Variants in TCP11L2 observed in about 807,000 individuals in gnomAD.
TCP11L2 encodes t-complex 11 like 2.
A neutral mutation model predicts 50.7 loss-of-function variants in TCP11L2; 39 were observed. The ratio of observed to expected loss-of-function variants is 0.77; its 90% CI spans 0.60 to 1.01. The LOEUF (loss-of-function observed/expected upper bound fraction) is 1.01, where lower values mean the gene tolerates loss of function less well. Ranked by LOEUF, TCP11L2 falls within the 50% of genes least tolerant of loss-of-function variation. The probability of loss-of-function intolerance (pLI) is 0.00; values close to 1 mark genes in which losing one functional copy is unlikely to be tolerated. For synonymous variants in TCP11L2, 192 were observed against 219.3 expected, an observed-to-expected ratio of 0.88 and a Z score of 1.10; for missense variants, 612 against 614.7, an observed-to-expected ratio of 1.00 and a Z score of 0.05.
rs1472845799 is a variant in TCP11L2, at chr12:106,321,724, T to C, written c.635+18T>C. 1.2e-6 allele frequency: 2 copies of C among 1,607,772 alleles called. No homozygotes were observed. Among genetic ancestry groups the C allele is most frequent in the East Asian group, 4.5e-5 (2 of 44,856 alleles). ...GTGCTGAGGTTAGCACTTTTGCTGT[T>C]TGCATTTCCTAGAGTATCTTTGAGT... On this transcript the variant is annotated intron_variant, in intron 5 of 9. Coordinates refer to ENST00000299045, the MANE Select transcript of TCP11L2 (RefSeq NM_152772.3).
At chr12:106,312,613 T>G (rs1054537278) in intron 2 of TCP11L2, among the ~76,000 whole-genome samples, 1 of 152,204 alleles carries the variant, frequency 6.6e-6, no homozygotes, top group Non-Finnish European at 1.5e-5. Context: ...CCAGGCGCAG[T>G]GGCTCACACC....
In TCP11L2 at chr12:106,311,084, C is replaced by T; in HGVS notation, c.9C>T (p.Phe3=). 3 of 1,614,116 alleles carry T rather than the reference C, an allele frequency of 1.9e-6. No homozygotes were observed. The South Asian group carries it at 3.3e-5, about 18-fold the overall frequency. The part of the protein sequence containing the change: MP[F]NGEKQCVGED... Reference sequence around the variant, plus strand: ...CACTTAAGTGACGCAAAATGCCCTTCAATGGCGAGAAGCAGTGTGTGGGAG... The same window carrying T: ...CACTTAAGTGACGCAAAATGCCCTTTAATGGCGAGAAGCAGTGTGTGGGAG... The change falls in exon 2 of 10, where the codon TTC becomes TTT. Residue 3 remains phenylalanine (F), a synonymous_variant. Coordinates refer to ENST00000299045, the MANE Select transcript of TCP11L2 (RefSeq NM_152772.3).
rs747804995 is a variant in TCP11L2, at chr12:106,321,637, T to C, written c.566T>C (p.Leu189Pro). Residue 189 changes from leucine (L) to proline (P), a missense_variant, in exon 5 of 10, where the codon CTG (leucine) becomes CCG (proline). By Grantham distance (98) the Leu-to-Pro change is moderately conservative (BLOSUM62 -3). Transcript: ENST00000299045. ...TATGTCATCAGTACGATGGGAAAGC[T>C]GTGTGCTCCCGTGCGAGATAATGAT... ...ANYVISTMGKLCAPVRDNDIR... is the reference protein window; with the variant it reads ...ANYVISTMGKPCAPVRDNDIR... 3.1e-6 allele frequency: 5 copies of C among 1,614,088 alleles called. No individual in the cohort carries two copies. Among genetic ancestry groups the C allele is most frequent in the African/African-American group, 2.7e-5 (2 of 74,926 alleles).
chr12:106,334,602 C>G (rs1156794999), intron 6 of TCP11L2, among the ~76,000 whole-genome samples: 2 of 152,158 alleles, frequency 1.3e-5, no homozygotes, highest in African/African-American at 2.4e-5. Context: ...TCTTTCCAAG[C>G]AATTTTTCTG....
At chr12:106,319,932 A>G (rs966695133) in intron 4 of TCP11L2, among the ~76,000 whole-genome samples, 1 of 152,226 alleles carries the variant, frequency 6.6e-6, no homozygotes, top group Middle Eastern at 3.2e-3. Context: ...AATATACTTA[A>G]TCGACCCCAT....
At chr12:106,331,051 G>T (rs959413353) in intron 6 of TCP11L2, among the ~76,000 whole-genome samples, 5 of 152,142 alleles carry the variant, frequency 3.3e-5, no homozygotes, top group Admixed American at 6.5e-5. Flanking sequence ...CAATCTAACT[G>T]GACATTGTCT....
intron 4 of TCP11L2, among the ~76,000 whole-genome samples, chr12:106,318,675 C>T (rs2035195717): frequency 6.6e-6 from 1 of 152,228 alleles, no homozygotes. Context: ...GCTGTGTCTT[C>T]ACGTGGCAGA....
rs572950751 is a variant in TCP11L2 at position 106,333,340 on chromosome 12, CAATG to C, written c.773-2296_773-2293del. 7.9e-5 allele frequency among the ~76,000 whole-genome samples: 12 copies of C among 152,188 alleles called. No homozygotes were observed. In the South Asian group the frequency reaches 2.5e-3, roughly 32 times the overall value. On this transcript the variant is annotated intron_variant, in intron 6 of 9. Transcript: ENST00000299045. Reference sequence around the variant, plus strand: ...AAGTTATTTTTAAAGCCCTAAAAAACAATGAACTGTGATACATAAGTCGGTGTGG... The same window carrying C: ...AAGTTATTTTTAAAGCCCTAAAAAACAACTGTGATACATAAGTCGGTGTGG...
chr12:106,311,287 G>A (rs2136633409), intron 2 of TCP11L2, 55 bp downstream of exon 2: 1 of 1,580,946 alleles, frequency 6.3e-7, no homozygotes, highest in East Asian at 2.2e-5. Flanking sequence ...CTAGATATGT[G>A]TTGGATTTGA....
At chr12:106,332,579 C>T (rs1350672506) in intron 6 of TCP11L2, among the ~76,000 whole-genome samples, 1 of 152,168 alleles carries the variant, frequency 6.6e-6, no homozygotes, top group African/African-American at 2.4e-5. Context: ...AACAAAGTAC[C>T]ACAGACTGGG....
At position 106,340,965 on chromosome 12, in the gene TCP11L2, G is replaced by A. The variant is rs956792902; in HGVS notation, c.1282G>A (p.Glu428Lys). 1.9e-6 allele frequency: 3 copies of A among 1,612,820 alleles called. No homozygotes were observed. The Admixed American group carries it at 5.0e-5, about 27-fold the overall frequency. ...TCTTATAGGTCAATTTTCAAGCATTGAAGAGGAGGACAATCCTATCTGGTC... is the reference window on the plus strand; with the variant it reads ...TCTTATAGGTCAATTTTCAAGCATTAAAGAGGAGGACAATCCTATCTGGTC... ...ANLIGQFSSI[E>K]EEDNPIWSLI... The change falls in exon 9 of 10, where the codon GAA becomes AAA. Residue 428 changes from glutamate to lysine, a missense_variant. Physicochemically the swap from Glu to Lys is moderately conservative, Grantham distance 56 (BLOSUM62 1). Transcript: ENST00000299045.
Position 106,341,002 on chromosome 12 carries a change from A to G in TCP11L2, c.1315+4A>G. ...AATCCTATCTGGTCCTTGATTGGTG[A>G]GTCCTTTTATTGATTTCTGCTTCAA... On this transcript the variant is annotated splice_donor_region_variant and intron_variant, in intron 9 of 9. Transcript: ENST00000299045. The G allele has an allele frequency of 6.3e-7, 1 of 1,596,772 alleles. No homozygotes were observed. The highest frequency in any genetic ancestry group is 8.5e-7 in the Non-Finnish European group (1 of 1,173,710).
intron 2 of TCP11L2, among the ~76,000 whole-genome samples, chr12:106,313,582 AAAATAAAT>A (rs71072668): frequency 8.4e-4 from 117 of 139,388 alleles, no homozygotes; most frequent in East Asian, 1.4e-3. Flanking sequence ...CCATCTCAAA[AAAATAAAT>A]AAATAAATAA....
rs534823393 is a variant in TCP11L2, at chr12:106,302,869, G to A, written c.-108G>A. ...TCGAGGTGACTGTGCTGTGCTCGGTGAGGGGACGCCCAGAGAGCCCTGACC... is the reference window on the plus strand; with the variant it reads ...TCGAGGTGACTGTGCTGTGCTCGGTAAGGGGACGCCCAGAGAGCCCTGACC... On this transcript the variant is annotated 5_prime_UTR_variant, in exon 1 of 10. Coordinates refer to ENST00000299045, the MANE Select transcript of TCP11L2 (RefSeq NM_152772.3). 6.6e-6 allele frequency: 1 copy of A among 152,618 alleles called. No individual in the cohort carries two copies. Among genetic ancestry groups the A allele is most frequent in the Non-Finnish European group, 1.5e-5 (1 of 68,326 alleles). The allele number at this position is 152,618 out of a possible 1,614,324, so 9.5% of individuals were successfully genotyped here.
At chr12:106,302,268 G>A (rs1040825670), upstream of TCP11L2, among the ~76,000 whole-genome samples, 1 of 151,766 alleles carries the variant, frequency 6.6e-6, no homozygotes, top group Non-Finnish European at 1.5e-5. Flanking sequence ...CTCCACTGGA[G>A]GCTTGGCCCG....
At chr12:106,309,000 G>T (rs899035042) in intron 1 of TCP11L2, among the ~76,000 whole-genome samples, 2 of 152,200 alleles carry the variant, frequency 1.3e-5, no homozygotes, top group African/African-American at 4.8e-5. Context: ...CGCTGTCATG[G>T]AGATACAGGA....
intron 6 of TCP11L2, 102 bp downstream of exon 6, chr12:106,323,748 A>T (rs201835036): frequency 3.5e-6 from 1 of 285,352 alleles, no homozygotes; most frequent in East Asian, 1.3e-4. Context: ...TTAAATTAAT[A>T]AATAAATAAA....
At chr12:106,298,322 A>G (rs1194838578), upstream of TCP11L2, among the ~76,000 whole-genome samples, 1 of 152,126 alleles carries the variant, frequency 6.6e-6, no homozygotes, top group Non-Finnish European at 1.5e-5. Flanking sequence ...AAAATTGAGT[A>G]GGAGGTATGC....
chr12:106,309,623 C>T (rs2034770849), intron 1 of TCP11L2, among the ~76,000 whole-genome samples: 1 of 151,722 alleles, frequency 6.6e-6, no homozygotes, highest in Admixed American at 6.6e-5. Flanking sequence ...GGCTAGTGCC[C>T]CTTCTCCCGC....
Sources: gnomAD v4.1 joint callset for allele counts (sites outside exome capture counted in the v4.1 genomes callset) on GRCh38, gnomAD v4.1.1 for gene constraint, MANE v1.5 for transcripts, NCBI Gene and HGNC (gene_info 2026-07-23, HGNC 2026-07-21) for gene names.